ZNF717: variants seen among roughly 807,000 people sequenced by gnomAD.
ZNF717 encodes zinc finger protein 717.
Under a neutral mutation model 13.8 loss-of-function variants are expected in ZNF717, and 9 were observed. That is an observed-to-expected ratio of 0.65 (90% CI 0.39 to 1.14). ZNF717 has a LOEUF of 1.14. Ranked by LOEUF, ZNF717 falls within the 50% of genes most tolerant of loss-of-function variation. The pLI, the probability that ZNF717 is intolerant of heterozygous loss-of-function variation, is 0.01. For synonymous variants in ZNF717, 327 were observed against 364.1 expected, an observed-to-expected ratio of 0.90 and a Z score of 1.16; for missense variants, 1,040 against 1,080.7, an observed-to-expected ratio of 0.96 and a Z score of 0.53.
At chr3:75,743,881 T>C (rs1940800400) in intron 2 of ZNF717, among the ~76,000 whole-genome samples, 1 of 151,828 alleles carries the variant, frequency 6.6e-6, no homozygotes, top group Admixed American at 6.5e-5. Context: ...ACATATCATG[T>C]GTGAAACATC....
downstream of ZNF717, among the ~76,000 whole-genome samples, chr3:75,733,157 T>C (rs80221255): frequency 1.3e-5 from 2 of 151,804 alleles, no homozygotes; most frequent in African/African-American, 4.8e-5. Flanking sequence ...TTCTGGAAAC[T>C]TTGAAAGAAA....
At chr3:75,751,506 A>T (rs112168889) in intron 2 of ZNF717, among the ~76,000 whole-genome samples, 374 of 73,744 alleles carry the variant, frequency 5.1e-3, no homozygotes, top group Middle Eastern at 0.048. Flanking sequence ...GTCTGAATGT[A>T]TGTCCCTCAC....
intron 2 of ZNF717, among the ~76,000 whole-genome samples, chr3:75,742,335 AAAAAGAAT>A (rs1262671344): frequency 5.5e-5 from 8 of 146,692 alleles, no homozygotes; most frequent in African/African-American, 2.1e-4. Flanking sequence ...AAAAAAAAAA[AAAAAGAAT>A]AAAATTCTAC....
chr3:75,705,311 G>A (rs1294681672), downstream of ZNF717, among the ~76,000 whole-genome samples: 1 of 152,304 alleles, frequency 6.6e-6, no homozygotes, highest in Non-Finnish European at 1.5e-5. Flanking sequence ...GAAACTAAGT[G>A]GGAGGAAATA....
At chr3:75,757,307 G>A (rs774354223) in intron 2 of ZNF717, among the ~76,000 whole-genome samples, 1 of 152,190 alleles carries the variant, frequency 6.6e-6, no homozygotes, top group East Asian at 1.9e-4. Flanking sequence ...AAGGGCTAAT[G>A]CATCTGGTGA....
At chr3:75,715,976 T>G (rs1263658586) in intron 5 of ZNF717, among the ~76,000 whole-genome samples, 1 of 120,208 alleles carries the variant, frequency 8.3e-6, no homozygotes. Context: ...GTTTGTTTTT[T>G]TGTTTTTTTT....
intron 2 of ZNF717, among the ~76,000 whole-genome samples, chr3:75,749,467 C>T (rs1170451478): frequency 5.9e-5 from 9 of 151,916 alleles, no homozygotes; most frequent in South Asian, 2.1e-4. Context: ...CATACGATTC[C>T]GGAACACCGC....
rs1420387746 is a variant in ZNF717, at chr3:75,737,195, CTG to C, written c.2426_2427del (p.Thr809ArgfsTer2). On this transcript the variant is annotated frameshift_variant, in exon 5 of 5. Coordinates refer to ENST00000652011, the MANE Select transcript of ZNF717 (RefSeq NM_001290208.3). LOFTEE classifies it low-confidence loss of function (END_TRUNC). ...TCTTTACATTCAAATGGCTTCTCAC[CTG>C]TGTGAGTTCTCTGATGTATGGTGAG... ...TVLTIHQRTH[T>X]GEKPFECKEC... The C allele has an allele frequency of 5.8e-6, 9 of 1,555,454 alleles. No homozygotes were observed. Among genetic ancestry groups the C allele is most frequent in the Non-Finnish European group, 7.8e-6 (9 of 1,149,462 alleles).
intron 2 of ZNF717, among the ~76,000 whole-genome samples, chr3:75,774,610 G>GTTTTT (rs537149833): frequency 3.7e-5 from 3 of 80,216 alleles, no homozygotes; most frequent in African/African-American, 5.0e-5. Context: ...AATTCTTGTG[G>GTTTTT]TTTTTTTTTT....
chr3:75,736,533 G>A lies in ZNF717; in HGVS notation c.*345C>T, dbSNP rs1207112887. 3.2e-4 allele frequency: 83 copies of A among 256,408 alleles called. No homozygotes were observed. The East Asian group carries it at 6.6e-3, about 20-fold the overall frequency. 15.9% of individuals were successfully genotyped at this position (256,408 alleles called of 1,614,324 possible). A position where few individuals can be genotyped will look rare whatever the true frequency, so the allele number is the denominator to read the frequency against. On this transcript the variant is annotated 3_prime_UTR_variant, in exon 5 of 5. Transcript: ENST00000652011. ...GTGGTCCACATAGAAGATCAAACCA[G>A]CCCCAACATTCCCTTGAGACAAAGC... is the stretch of plus-strand genomic sequence containing the variant.
chr3:75,734,580 C>A (rs1938916398), downstream of ZNF717, among the ~76,000 whole-genome samples: 2 of 150,448 alleles, frequency 1.3e-5, no homozygotes, highest in Non-Finnish European at 3.0e-5. Context: ...CAACAGACAC[C>A]CACCACCACA....
intron 2 of ZNF717, among the ~76,000 whole-genome samples, chr3:75,762,456 AAAAG>A (rs1173074138): frequency 5.9e-5 from 9 of 151,912 alleles, no homozygotes; most frequent in African/African-American, 2.2e-4. Flanking sequence ...AAAAAAAAAA[AAAAG>A]AATTACATTT....
downstream of ZNF717, among the ~76,000 whole-genome samples, chr3:75,708,146 T>C (rs1479781032): frequency 6.6e-6 from 1 of 152,270 alleles, no homozygotes; most frequent in Non-Finnish European, 1.5e-5. Context: ...ACGGGCAGAC[T>C]GCCTCCTCAA....
At chr3:75,773,354 C>A (rs192262365) in intron 2 of ZNF717, among the ~76,000 whole-genome samples, 1 of 152,208 alleles carries the variant, frequency 6.6e-6, no homozygotes, top group African/African-American at 2.4e-5. Flanking sequence ...ACGGCAAAAT[C>A]TTACTAAAGA....
exon 6 of ZNF717, chr3:75,710,709 A>C (rs1464250189): frequency 2.0e-5 from 3 of 152,298 alleles, no homozygotes; most frequent in African/African-American, 7.2e-5. Context: ...ATCTAGTTTC[A>C]GCTCATAGGG....
intron 2 of ZNF717, among the ~76,000 whole-genome samples, chr3:75,780,966 A>C (rs1463170302): frequency 6.6e-6 from 1 of 152,264 alleles, no homozygotes; most frequent in African/African-American, 2.4e-5. Flanking sequence ...TCTATTTCCC[A>C]GTGGGTTTCT....
At chr3:75,757,966 A>C (rs886839329) in intron 2 of ZNF717, among the ~76,000 whole-genome samples, 1 of 151,032 alleles carries the variant, frequency 6.6e-6, no homozygotes, top group East Asian at 2.0e-4. Context: ...AAAAAAAAAA[A>C]ATTTATCTGA....
chr3:75,772,690 C>G (rs1943994525), intron 2 of ZNF717, among the ~76,000 whole-genome samples: 1 of 152,234 alleles, frequency 6.6e-6, no homozygotes, highest in African/African-American at 2.4e-5. Context: ...ACACCCCTCA[C>G]TGCTCTGTAC....
chr3:75,771,830 GC>G (rs1203541211), intron 2 of ZNF717, among the ~76,000 whole-genome samples: 2 of 152,242 alleles, frequency 1.3e-5, no homozygotes, highest in Admixed American at 6.5e-5. Flanking sequence ...GGCCCAGCAA[GC>G]CCCCCTGCCC....
Sources: gnomAD v4.1 joint callset for allele counts (sites outside exome capture counted in the v4.1 genomes callset) on GRCh38, gnomAD v4.1.1 for gene constraint, MANE v1.5 for transcripts, NCBI Gene and HGNC (gene_info 2026-07-23, HGNC 2026-07-21) for gene names.